Variants in SHB observed in about 807,000 individuals in gnomAD.
SHB encodes the protein SH2 domain-containing adapter protein B.
Under a neutral mutation model 52.3 loss-of-function variants are expected in SHB, and 20 were observed. The ratio of observed to expected loss-of-function variants is 0.38; its 90% CI spans 0.27 to 0.56. The LOEUF is 0.56. Ranked by LOEUF, SHB falls within the 20% of genes least tolerant of loss-of-function variation. The pLI is 0.71. For synonymous variants in SHB, 397 were observed against 316.5 expected (o/e 1.25, Z -2.70); for missense variants, 825 against 723.3 (o/e 1.14, Z -1.61).
intron 1 of SHB, among the ~76,000 whole-genome samples, chr9:38,040,421 T>G (rs1160315682): frequency 6.6e-6 from 1 of 152,074 alleles, no homozygotes; most frequent in Non-Finnish European, 1.5e-5. Context: ...AAGGGAGGCC[T>G]CCCCAGACAT....
intron 1 of SHB, among the ~76,000 whole-genome samples, chr9:38,058,659 G>T (rs574552189): frequency 2.4e-4 from 36 of 152,216 alleles, no homozygotes; most frequent in African/African-American, 8.7e-4. Flanking sequence ...TTCAATGCTT[G>T]TGAGTTCCGA....
intron 2 of SHB, among the ~76,000 whole-genome samples, chr9:37,998,507 C>T (rs1310730668): frequency 2.6e-5 from 4 of 152,202 alleles, no homozygotes; most frequent in African/African-American, 7.2e-5. Flanking sequence ...GGCTGGAGTG[C>T]CGTGGCACGG....
intron 5 of SHB, among the ~76,000 whole-genome samples, chr9:37,921,836 T>C (rs1832184064): frequency 6.6e-6 from 1 of 152,200 alleles, no homozygotes; most frequent in Non-Finnish European, 1.5e-5. Flanking sequence ...CTGTGCCAGT[T>C]TGGAAAGGGC....
intron 5 of SHB, among the ~76,000 whole-genome samples, chr9:37,923,766 G>A (rs1832211355): frequency 6.6e-6 from 1 of 152,180 alleles, no homozygotes; most frequent in African/African-American, 2.4e-5. Context: ...TGAGCTGCAA[G>A]CAGCCTGGGG....
At chr9:37,940,023 T>C (rs989391441) in intron 5 of SHB, among the ~76,000 whole-genome samples, 2 of 152,196 alleles carry the variant, frequency 1.3e-5, no homozygotes, top group Non-Finnish European at 2.9e-5. Context: ...GAACTCAAAC[T>C]AGGGTCTGTC....
intron 1 of SHB, among the ~76,000 whole-genome samples, chr9:38,040,465 G>A (rs1821561297): frequency 6.6e-6 from 1 of 152,246 alleles, no homozygotes; most frequent in African/African-American, 2.4e-5. Context: ...TGGAGGGACA[G>A]AGAGGGCACA....
chr9:37,927,827 G>A (rs923707399), intron 5 of SHB, among the ~76,000 whole-genome samples: 3 of 152,192 alleles, frequency 2.0e-5, no homozygotes, highest in Admixed American at 6.5e-5. Context: ...CCAAGTGCAC[G>A]TGGAAACTGC....
intron 2 of SHB, among the ~76,000 whole-genome samples, chr9:38,005,380 C>T (rs1278256133): frequency 2.6e-5 from 4 of 152,196 alleles, no homozygotes; most frequent in African/African-American, 4.8e-5. Context: ...GGAACGCAAA[C>T]GGGCCAAGCT....
chr9:38,062,960 T>C (rs966447413), intron 1 of SHB, among the ~76,000 whole-genome samples: 1 of 152,210 alleles, frequency 6.6e-6, no homozygotes, highest in East Asian at 1.9e-4. Context: ...GGTGATTTGT[T>C]ATGTAGCAAC....
At chr9:38,045,675 T>C (rs901324216) in intron 1 of SHB, among the ~76,000 whole-genome samples, 5 of 152,190 alleles carry the variant, frequency 3.3e-5, no homozygotes, top group Admixed American at 1.3e-4. Context: ...CACTTTGTAA[T>C]GAACCTGACT....
At chr9:37,982,978 C>CCCCCT (rs1554702682) in intron 2 of SHB, among the ~76,000 whole-genome samples, 14 of 151,478 alleles carry the variant, frequency 9.2e-5, no homozygotes, top group Admixed American at 8.5e-4. Context: ...CTGGTGCCCC[C>CCCCCT]CCCTCCATCT....
intron 2 of SHB, among the ~76,000 whole-genome samples, chr9:38,006,546 C>A (rs1224884968): frequency 6.6e-6 from 1 of 152,232 alleles, no homozygotes; most frequent in East Asian, 1.9e-4. Flanking sequence ...AAATGCAAGG[C>A]TGAGGCAGGC....
intron 1 of SHB, among the ~76,000 whole-genome samples, chr9:38,049,634 G>T (rs888101175): frequency 1.1e-5 from 1 of 90,782 alleles, no homozygotes. Context: ...AAAAAACAAA[G>T]CAAAAAAAAA....
At chr9:37,921,164 G>A (rs1371664208) in intron 5 of SHB, among the ~76,000 whole-genome samples, 1 of 152,158 alleles carries the variant, frequency 6.6e-6, no homozygotes, top group Non-Finnish European at 1.5e-5. Context: ...CCAAAGCACA[G>A]TCCACTTTAT....
chr9:37,936,356 A>G (rs1832371537), intron 5 of SHB, among the ~76,000 whole-genome samples: 1 of 152,246 alleles, frequency 6.6e-6, no homozygotes, highest in Non-Finnish European at 1.5e-5. Context: ...ACAATTTGGC[A>G]TAGTGCCTTC....
rs77949299 is a variant in SHB at position 37,960,840 on chromosome 9, G to T, written c.1055-4786C>A. On this transcript the variant is annotated intron_variant, in intron 3 of 5. Transcript: ENST00000377707. The stretch of plus-strand genomic sequence containing the variant: ...ATGGGTGAGGAACGGCGGTCCAGAG[G>T]AGTAGTAGGAGGAACTCCTCCAGGG... Among the ~76,000 whole-genome samples the T allele has an allele frequency of 3.1e-3, 474 of 152,318 alleles. 1 individual carries two copies. Among genetic ancestry groups the T allele is most frequent in the Non-Finnish European group, 5.7e-3 (386 of 68,022 alleles).
chr9:37,974,725 G>A lies in SHB; in HGVS notation c.951C>T (p.Ser317=), dbSNP rs1452167656. 3 of 1,614,014 alleles carry A rather than the reference G, an allele frequency of 1.9e-6. No individual in the cohort carries two copies. The highest frequency in any genetic ancestry group is 1.7e-5 in the Admixed American group (1 of 60,004). The change falls in exon 3 of 6, where the codon AGC becomes AGT. Residue 317 remains serine, a synonymous_variant. Coordinates refer to ENST00000377707, the MANE Select transcript of SHB (RefSeq NM_003028.3). The part of the protein sequence containing the change: ...SVDSDSESTV[S]PRLRESKLPQ... Reference sequence around the variant, plus strand: ...GCAGCTTGCTCTCCCGCAGTCGGGGGCTGACTGTGCTCTCCGAGTCTGAGT... The same window carrying A: ...GCAGCTTGCTCTCCCGCAGTCGGGGACTGACTGTGCTCTCCGAGTCTGAGT...
At position 38,039,184 on chromosome 9, in the gene SHB, T is replaced by C. The variant is rs113605128; in HGVS notation, c.718-23053A>G. 1.9e-3 allele frequency among the ~76,000 whole-genome samples: 290 copies of C among 152,340 alleles called. 3 individuals carry two copies. The highest frequency in any genetic ancestry group is 4.6e-3 in the African/African-American group (191 of 41,572). ...CCTTAAGATAAAGTGCCCTGTCAGA[T>C]ACTGCTGTCAGGCGTTAAGCCTCCA... On this transcript the variant is annotated intron_variant, in intron 1 of 5. Coordinates refer to ENST00000377707, the MANE Select transcript of SHB (RefSeq NM_003028.3).
At chr9:38,010,464 C>T (rs903898272) in intron 2 of SHB, among the ~76,000 whole-genome samples, 3 of 152,138 alleles carry the variant, frequency 2.0e-5, no homozygotes, top group Admixed American at 2.0e-4. Flanking sequence ...TGAGATTTTC[C>T]TATCATTATC....
Sources: gnomAD v4.1 joint callset for allele counts (sites outside exome capture counted in the v4.1 genomes callset) on GRCh38, gnomAD v4.1.1 for gene constraint, MANE v1.5 for transcripts, NCBI Gene and HGNC (gene_info 2026-07-23, HGNC 2026-07-21) for gene names.